Variants in FYN observed in about 807,000 individuals in gnomAD.
FYN encodes the protein FYN proto-oncogene, Src family tyrosine kinase.
A neutral mutation model predicts 70.2 loss-of-function variants in FYN; 10 were observed. The observed-to-expected ratio is 0.14, with a 90% CI of 0.09 to 0.24. FYN has a LOEUF of 0.24. Among genes scored for constraint, FYN ranks in the 10% least tolerant of loss-of-function variants. FYN has a pLI of 1.00. For synonymous variants in FYN, 236 were observed against 248.6 expected, an observed-to-expected ratio of 0.95 and a Z score of 0.48; for missense variants, 319 against 673.1, an observed-to-expected ratio of 0.47 and a Z score of 5.82.
At chr6:111,792,860 C>A (rs1341638125) in intron 2 of FYN, among the ~76,000 whole-genome samples, 1 of 152,158 alleles carries the variant, frequency 6.6e-6, no homozygotes, top group Admixed American at 6.5e-5. Flanking sequence ...CTATCAGTTA[C>A]CCTTGATGGA....
At chr6:111,811,081 T>C (rs1772310543) in intron 2 of FYN, among the ~76,000 whole-genome samples, 1 of 152,206 alleles carries the variant, frequency 6.6e-6, no homozygotes, top group African/African-American at 2.4e-5. Context: ...CACCAGCTGA[T>C]ATATGTGGCA....
chr6:111,722,470 G>T (rs1008083959), intron 3 of FYN, among the ~76,000 whole-genome samples: 1 of 152,048 alleles, frequency 6.6e-6, no homozygotes, highest in Non-Finnish European at 1.5e-5. Context: ...TAACTCTTTC[G>T]TGGTGGAAAG....
At chr6:111,716,408 C>T (rs1800643960) in intron 4 of FYN, among the ~76,000 whole-genome samples, 1 of 152,194 alleles carries the variant, frequency 6.6e-6, no homozygotes, top group Admixed American at 6.5e-5. Context: ...TTTTAAAAGT[C>T]ACGGTATCAC....
In FYN at chr6:111,817,747, T is replaced by C. The variant is rs551328095; in HGVS notation, c.-82+28842A>G. 8.8e-4 allele frequency among the ~76,000 whole-genome samples: 134 copies of C among 152,364 alleles called. 1 individual carries two copies. In the South Asian group the frequency reaches 0.027, roughly 31 times the overall value. On this transcript the variant is annotated intron_variant, in intron 2 of 13. Coordinates refer to ENST00000354650, the MANE Select transcript of FYN (RefSeq NM_002037.5). ...TGCTTTCCTTAAATGCTGGATTGAG[T>C]TTAAAAGTAGACAGCTTGTGTCAAT...
At chr6:111,760,076 A>G (rs1465919131) in intron 3 of FYN, among the ~76,000 whole-genome samples, 1 of 152,156 alleles carries the variant, frequency 6.6e-6, no homozygotes, top group Non-Finnish European at 1.5e-5. Context: ...TTTTACAAAT[A>G]TGAAGTGTCA....
intron 2 of FYN, among the ~76,000 whole-genome samples, chr6:111,836,926 A>G (rs544300723): frequency 1.4e-4 from 21 of 152,356 alleles, no homozygotes; most frequent in East Asian, 3.9e-4. Context: ...GGCCACTGTA[A>G]AAATGGAATA....
At chr6:111,816,105 A>G (rs1346288892) in intron 2 of FYN, among the ~76,000 whole-genome samples, 1 of 152,144 alleles carries the variant, frequency 6.6e-6, no homozygotes, top group African/African-American at 2.4e-5. Context: ...CTAAATGGAG[A>G]CCATATATTT....
intron 1 of FYN, among the ~76,000 whole-genome samples, chr6:111,871,847 G>T (rs1212060661): frequency 6.6e-6 from 1 of 152,220 alleles, no homozygotes; most frequent in African/African-American, 2.4e-5. Context: ...GCAGCTGCCA[G>T]TCAACACTAC....
At chr6:111,802,295 C>T (rs889683989) in intron 2 of FYN, among the ~76,000 whole-genome samples, 5 of 152,106 alleles carry the variant, frequency 3.3e-5, no homozygotes, top group Non-Finnish European at 5.9e-5. Flanking sequence ...CTGGTTCCCC[C>T]ATGCCTTCTG....
chr6:111,769,906 C>G (rs988394137), intron 3 of FYN, among the ~76,000 whole-genome samples: 23 of 152,162 alleles, frequency 1.5e-4, no homozygotes, highest in Non-Finnish European at 1.5e-5. Context: ...GCTGAGCTAG[C>G]AGTTATGACC....
chr6:111,728,799 C>A (rs1055843544), intron 3 of FYN, among the ~76,000 whole-genome samples: 4 of 152,132 alleles, frequency 2.6e-5, no homozygotes, highest in African/African-American at 9.7e-5. Flanking sequence ...AATACTGCAA[C>A]AAACATTCAT....
rs866399759 is a variant in FYN at position 111,778,699 on chromosome 6, T to C, written c.-12+1867A>G. The stretch of plus-strand genomic sequence containing the variant: ...TTAGTAGAGATGGGGTTTTATCATG[T>C]TGGCCAGGATGGTCTCGATCTCCTG... On this transcript the variant is annotated intron_variant, in intron 3 of 13. Transcript: ENST00000354650. Among the ~76,000 whole-genome samples, 11 of 152,130 alleles carry C rather than the reference T, an allele frequency of 7.2e-5. No individual in the cohort carries two copies. The East Asian group carries it at 2.1e-3, about 29-fold the overall frequency.
intron 3 of FYN, among the ~76,000 whole-genome samples, chr6:111,763,944 A>G (rs954194678): frequency 6.6e-6 from 1 of 152,172 alleles, no homozygotes; most frequent in Non-Finnish European, 1.5e-5. Flanking sequence ...CACACAGTCA[A>G]TTCAATATGC....
chr6:111,687,570 G>A (rs999902332), intron 12 of FYN, among the ~76,000 whole-genome samples: 19 of 148,518 alleles, frequency 1.3e-4, no homozygotes, highest in African/African-American at 4.5e-4. Context: ...GAGCCCTGAT[G>A]GGAGCGATCA....
At chr6:111,818,053 C>G (rs1276049849) in intron 2 of FYN, among the ~76,000 whole-genome samples, 1 of 152,228 alleles carries the variant, frequency 6.6e-6, no homozygotes, top group African/African-American at 2.4e-5. Flanking sequence ...GACTGACAGC[C>G]TCTTCCTTTG....
Position 111,661,691 on chromosome 6 carries a change from G to A in FYN, c.*48C>T. ...CTACGGAATTGAAAGCTAATGGGGA[G>A]GGGTGGGGCAGCCTCTGGGACAAGG... On this transcript the variant is annotated 3_prime_UTR_variant, in exon 14 of 14. Transcript: ENST00000354650. This position sits in a 1 kb window ranked among gnomAD's most constrained non-coding sequence, Gnocchi z 4.0. 6.5e-7 allele frequency: 1 copy of A among 1,544,066 alleles called. No homozygotes were observed. Among genetic ancestry groups the A allele is most frequent in the Non-Finnish European group, 8.9e-7 (1 of 1,127,954 alleles).
intron 12 of FYN, among the ~76,000 whole-genome samples, chr6:111,690,040 A>T (rs1038993127): frequency 3.3e-5 from 5 of 152,218 alleles, no homozygotes; most frequent in South Asian, 2.1e-4. Flanking sequence ...GCTCATGAAG[A>T]AAAAACTAGA....
At chr6:111,762,520 A>AG (rs1803048761) in intron 3 of FYN, among the ~76,000 whole-genome samples, 1 of 152,206 alleles carries the variant, frequency 6.6e-6, no homozygotes, top group Admixed American at 6.5e-5. Context: ...AGAGACCCTA[A>AG]GGCTGACAGA....
chr6:111,852,098 G>A (rs936078587), intron 1 of FYN, among the ~76,000 whole-genome samples: 1 of 152,148 alleles, frequency 6.6e-6, no homozygotes, highest in African/African-American at 2.4e-5. Context: ...TGTTAAATAG[G>A]AAATTGACTA....
Sources: allele counts gnomAD v4.1 joint callset (sites outside exome capture counted in the v4.1 genomes callset), GRCh38; gene constraint gnomAD v4.1.1; non-coding constraint Gnocchi (gnomAD v3.1); transcripts MANE v1.5; gene names NCBI Gene and HGNC (gene_info 2026-07-23, HGNC 2026-07-21).